Variants in LAMP1 observed in about 807,000 individuals in gnomAD.
LAMP1 encodes lysosome associated membrane protein 1, also known as lysosome-associated membrane glycoprotein 1.
In LAMP1, 7 loss-of-function variants were observed where a neutral mutation model predicts 37.5. That is an observed-to-expected ratio of 0.19 (90% CI 0.11 to 0.35). The LOEUF is 0.35. Among genes scored for constraint, LAMP1 ranks in the 10% least tolerant of loss-of-function variants. The pLI is 1.00. For synonymous variants in LAMP1, 236 were observed against 229.1 expected (o/e 1.03, Z -0.27); for missense variants, 537 against 552.8 (o/e 0.97, Z 0.29).
intron 4 of LAMP1, among the ~76,000 whole-genome samples, chr13:113,312,915 G>A (rs868738443): frequency 2.6e-5 from 4 of 152,180 alleles, no homozygotes; most frequent in Non-Finnish European, 2.9e-5. Flanking sequence ...TAGTGTTCAC[G>A]GTTATCGATT....
intron 4 of LAMP1, among the ~76,000 whole-genome samples, chr13:113,316,421 AT>A (rs11358802): frequency 0.93 from 107,633 of 116,012 alleles, 49,892 homozygotes; most frequent in Middle Eastern, 0.96. Context: ...ATTTGGCATG[AT>A]TTTTTTTTTT....
intron 1 of LAMP1, chr13:113,305,201 C>G (rs981158744): frequency 1.3e-5 from 2 of 152,194 alleles, no homozygotes; most frequent in Non-Finnish European, 2.9e-5. Flanking sequence ...CACAGTGTGC[C>G]TGAGTTGCAT....
At chr13:113,317,166 G>A (rs1255185049) in intron 4 of LAMP1, among the ~76,000 whole-genome samples, 1 of 152,202 alleles carries the variant, frequency 6.6e-6, no homozygotes, top group Non-Finnish European at 1.5e-5. Context: ...GCCCGGCTGT[G>A]TGCTGCTCTC....
Position 113,320,063 on chromosome 13 carries a change from C to T in LAMP1, c.751-282C>T, listed in dbSNP as rs1470754984. On this transcript the variant is annotated intron_variant, in intron 5 of 8. Transcript: ENST00000332556. This position sits in a 1 kb window ranked among gnomAD's most constrained non-coding sequence, Gnocchi z 4.4. The stretch of plus-strand genomic sequence containing the variant: ...CTGTGGGGTTGTGGGGGTCGACTTG[C>T]GTGCCGTGGGGTGAGTTTGCAGGGC... Among the ~76,000 whole-genome samples, 3 of 152,114 alleles carry T rather than the reference C, an allele frequency of 2.0e-5. No individual in the cohort carries two copies. The highest frequency in any genetic ancestry group is 2.9e-5 in the Non-Finnish European group (2 of 68,004).
chr13:113,300,679 G>A (rs1421810851), intron 1 of LAMP1, among the ~76,000 whole-genome samples: 2 of 151,816 alleles, frequency 1.3e-5, no homozygotes, highest in South Asian at 2.1e-4. Flanking sequence ...TTAGCCAGGC[G>A]TAGTGGCACA....
rs750678018 is a variant in LAMP1, at chr13:113,319,590, C to T, written c.684C>T (p.Asn228=). 34 of 1,613,832 alleles carry T rather than the reference C, an allele frequency of 2.1e-5. No homozygotes were observed. Among genetic ancestry groups the T allele is most frequent in the African/African-American group, 6.7e-5 (5 of 74,928 alleles). ...SVDKYNVSGT[N]GTCLLASMGL... is the part of the protein sequence containing the mutation. ...ACAAGTACAACGTGAGCGGCACCAACGGGACCTGCCTGCTGGCCAGCATGG... is the reference window on the plus strand; with the variant it reads ...ACAAGTACAACGTGAGCGGCACCAATGGGACCTGCCTGCTGGCCAGCATGG... The change falls in exon 5 of 9, where the codon AAC becomes AAT. Residue 228 remains asparagine, a synonymous_variant. Transcript: ENST00000332556.
intron 4 of LAMP1, among the ~76,000 whole-genome samples, 157 bp from the exon 5 acceptor site, chr13:113,319,312 A>T (rs2139374831): frequency 6.6e-6 from 1 of 152,362 alleles, no homozygotes; most frequent in South Asian, 2.1e-4. Flanking sequence ...GCGCGTCTAG[A>T]AAGGCATTAG....
intron 8 of LAMP1, 28 bp from the exon 9 acceptor site, chr13:113,322,254 C>A: frequency 1.3e-6 from 2 of 1,597,494 alleles, no homozygotes. Context: ...GTGAGCAGAG[C>A]CCTGACACCA....
chr13:113,322,382 C>G lies in LAMP1; in HGVS notation c.1215C>G (p.Val405=), dbSNP rs776752641. Residue 405 remains valine (V), a synonymous_variant, in exon 9 of 9, where the codon GTC becomes GTG. Coordinates refer to ENST00000332556, the MANE Select transcript of LAMP1 (RefSeq NM_005561.4). ...TCATCGTCCTCATCGCCTACCTCGTCGGCAGGAAGAGGAGTCACGCAGGCT... is the reference window on the plus strand; with the variant it reads ...TCATCGTCCTCATCGCCTACCTCGTGGGCAGGAAGAGGAGTCACGCAGGCT... The part of the protein sequence containing the change: ...LVLIVLIAYL[V]GRKRSHAGYQ... 1.2e-6 allele frequency: 2 copies of G among 1,613,738 alleles called. No homozygotes were observed. Among genetic ancestry groups the G allele is most frequent in the South Asian group, 2.2e-5 (2 of 91,064 alleles).
At chr13:113,299,553 G>A (rs2042559760) in intron 1 of LAMP1, among the ~76,000 whole-genome samples, 1 of 148,420 alleles carries the variant, frequency 6.7e-6, no homozygotes, top group Non-Finnish European at 1.5e-5. Context: ...TTGAGCCACC[G>A]TACTTGGCCC....
At chr13:113,306,879 A>G (rs1168146892) in intron 2 of LAMP1, among the ~76,000 whole-genome samples, 1 of 109,748 alleles carries the variant, frequency 9.1e-6, no homozygotes, top group Non-Finnish European at 1.7e-5. Context: ...TCGCTCTGTC[A>G]CCCAGGCTGG....
chr13:113,318,232 A>C (rs2042677355), intron 4 of LAMP1, among the ~76,000 whole-genome samples: 1 of 152,208 alleles, frequency 6.6e-6, no homozygotes, highest in Non-Finnish European at 1.5e-5. Context: ...GTGCAGTCAT[A>C]GGCGACGTTG....
chr13:113,316,523 C>T (rs1206586268), intron 4 of LAMP1, among the ~76,000 whole-genome samples: 2 of 151,450 alleles, frequency 1.3e-5, no homozygotes, highest in Admixed American at 6.6e-5. Context: ...CCTGGGTTCA[C>T]GCCATTCTTC....
intron 1 of LAMP1, 199 bp from the exon 2 acceptor site, chr13:113,306,285 AG>A (rs2042597748): frequency 4.9e-6 from 2 of 405,348 alleles, no homozygotes; most frequent in African/African-American, 4.2e-5. Context: ...TGAACCTGGG[AG>A]GTGGAGGTTG....
At chr13:113,315,382 CTTT>C (rs1158608278) in intron 4 of LAMP1, among the ~76,000 whole-genome samples, 7 of 60,428 alleles carry the variant, frequency 1.2e-4, no homozygotes, top group African/African-American at 3.5e-4. Context: ...TGTATCTTGT[CTTT>C]TTTTTTTTTT....
chr13:113,307,796 T>TTA lies in LAMP1; in HGVS notation c.183+1190_183+1191insTA, dbSNP rs1491165489. On this transcript the variant is annotated intron_variant, in intron 2 of 8. Transcript: ENST00000332556. ...ACATAGTAAGATCTTATCTCTTTTT[T>TTA]AAAAAAAAAAAAAAAAGCCAGACAT... Among the ~76,000 whole-genome samples, 5 of 141,684 alleles carry TTA rather than the reference T, an allele frequency of 3.5e-5. No individual in the cohort carries two copies. The South Asian group carries it at 6.6e-4, about 19-fold the overall frequency. The allele number at this position is 141,684 out of a possible 152,430, so 93.0% of individuals were successfully genotyped here. A position where few individuals can be genotyped will look rare whatever the true frequency, so the allele number is the denominator to read the frequency against.
intron 1 of LAMP1, among the ~76,000 whole-genome samples, chr13:113,302,543 T>C (rs2042579997): frequency 1.3e-5 from 2 of 152,250 alleles, no homozygotes; most frequent in Admixed American, 1.3e-4. Context: ...TGGTAATCTT[T>C]AATGTCAAAA....
chr13:113,317,430 G>T (rs1191844479), intron 4 of LAMP1, among the ~76,000 whole-genome samples: 1 of 152,220 alleles, frequency 6.6e-6, no homozygotes, highest in Non-Finnish European at 1.5e-5. Context: ...TCAAGTTCCA[G>T]TTTTTTAAAC....
chr13:113,319,092 C>G (rs904467259), intron 4 of LAMP1, among the ~76,000 whole-genome samples: 3 of 152,242 alleles, frequency 2.0e-5, no homozygotes, highest in African/African-American at 4.8e-5. Context: ...CCTGCGTCCA[C>G]TCCTTCGTGA....
Sources: allele counts gnomAD v4.1 joint callset (sites outside exome capture counted in the v4.1 genomes callset), GRCh38; gene constraint gnomAD v4.1.1; non-coding constraint Gnocchi (gnomAD v3.1); transcripts MANE v1.5; gene names NCBI Gene and HGNC (gene_info 2026-07-23, HGNC 2026-07-21).